Variants in INSR observed in about 807,000 individuals in gnomAD.
INSR encodes insulin receptor, also known as IR.
In INSR, 67 loss-of-function variants were observed where a neutral mutation model predicts 142.6. That is an observed-to-expected ratio of 0.47 (90% CI 0.39 to 0.58). The LOEUF is 0.58. Ranked by LOEUF, INSR falls within the 20% of genes least tolerant of loss-of-function variation. The pLI is 0.00. For missense variants in INSR, 1,248 were observed against 1,833.2 expected (o/e 0.68, Z 5.83); for synonymous variants, 756 against 743.1 (o/e 1.02, Z -0.28).
chr19:7,176,711 G>T (rs1974142533), intron 3 of INSR, among the ~76,000 whole-genome samples: 1 of 152,164 alleles, frequency 6.6e-6, no homozygotes, highest in Non-Finnish European at 1.5e-5. Context: ...AGTTTCCTGA[G>T]GTCTCCCCAG....
chr19:7,162,018 A>G (rs1973761925), intron 9 of INSR, among the ~76,000 whole-genome samples: 1 of 152,016 alleles, frequency 6.6e-6, no homozygotes, highest in South Asian at 2.1e-4. Context: ...CTCCATCTCT[A>G]CAAAAAGAAG....
chr19:7,224,337 GCC>G, intron 2 of INSR, among the ~76,000 whole-genome samples: 1 of 149,926 alleles, frequency 6.7e-6, no homozygotes, highest in Non-Finnish European at 1.5e-5. Context: ...TCAACCTCAA[GCC>G]CTGACACCAA....
chr19:7,190,101 C>G (rs1211724389), intron 2 of INSR, among the ~76,000 whole-genome samples: 1 of 151,826 alleles, frequency 6.6e-6, no homozygotes, highest in African/African-American at 2.4e-5. Flanking sequence ...AATCCCAGCA[C>G]TTTGGGAGGC....
chr19:7,247,982 A>G (rs1976586245), intron 2 of INSR, among the ~76,000 whole-genome samples: 1 of 152,038 alleles, frequency 6.6e-6, no homozygotes, highest in Admixed American at 6.6e-5. Context: ...GAATTTCACT[A>G]AGTTGGTTCT....
chr19:7,288,950 GAAAAAA>G (rs34590794), intron 1 of INSR, among the ~76,000 whole-genome samples: 23 of 88,702 alleles, frequency 2.6e-4, no homozygotes, highest in Admixed American at 8.8e-4. Context: ...GTGAAGAAGT[GAAAAAA>G]AAAAAAAAAA....
rs770959435 is a variant in INSR at position 7,152,871 on chromosome 19, T to A, written c.2086A>T (p.Lys696Ter). The A allele has an allele frequency of 6.2e-7, 1 of 1,613,034 alleles. No homozygotes were observed. The highest frequency in any genetic ancestry group is 1.3e-5 in the African/African-American group (1 of 74,822). ...TCCTCATACTCACTCTGGTTGTGCT[T>A]CTGAGAATCTTCAGACTCGAATGGT... ...SPPFESEDSQ[K>*]HNQSEYEDSA... Residue 696 changes from lysine to a stop codon, truncating the protein, a stop_gained, in exon 10 of 22, where the codon AAG becomes TAG. Coordinates refer to ENST00000302850, the MANE Select transcript of INSR (RefSeq NM_000208.4). LOFTEE classifies it high-confidence loss of function.
Position 7,174,683 on chromosome 19 carries a change from G to A in INSR, c.1023C>T (p.Leu341=). 5 of 1,614,042 alleles carry A rather than the reference G, an allele frequency of 3.1e-6. No individual in the cohort carries two copies. Among genetic ancestry groups the A allele is most frequent in the South Asian group, 1.1e-5 (1 of 91,076 alleles). The part of the protein sequence containing the change: ...CLGPCPKVCH[L]LEGEKTIDSV... ...AGTCGATGGTCTTCTCGCCTTCTAG[G>A]AGGTGGCACACCTTGGGACAGGGAC... is the stretch of plus-strand genomic sequence containing the variant. Residue 341 remains leucine, a synonymous_variant, in exon 4 of 22, where the codon CTC becomes CTT. Transcript: ENST00000302850.
intron 2 of INSR, among the ~76,000 whole-genome samples, chr19:7,212,721 G>A (rs1051925672): frequency 6.6e-6 from 1 of 152,098 alleles, no homozygotes; most frequent in Admixed American, 6.6e-5. Context: ...AAGTAGTTGG[G>A]ACTACAGGCA....
chr19:7,261,500 T>C (rs1977061766), intron 2 of INSR, among the ~76,000 whole-genome samples: 1 of 152,030 alleles, frequency 6.6e-6, no homozygotes, highest in African/African-American at 2.4e-5. Context: ...ATGCCATGTT[T>C]TTTTGTTTTT....
chr19:7,181,347 G>A (rs1010701633), intron 3 of INSR, among the ~76,000 whole-genome samples: 3 of 152,160 alleles, frequency 2.0e-5, no homozygotes, highest in Non-Finnish European at 4.4e-5. Context: ...AATAGATGGA[G>A]GTGTAGACAA....
chr19:7,290,844 G>T (rs1191782604), intron 1 of INSR, among the ~76,000 whole-genome samples: 1 of 151,748 alleles, frequency 6.6e-6, no homozygotes, highest in Admixed American at 6.6e-5. Flanking sequence ...GGCCGAGGCG[G>T]GTGGATCACA....
chr19:7,164,551 C>T (rs12608977), intron 8 of INSR, among the ~76,000 whole-genome samples: 27,490 of 150,368 alleles, frequency 0.18, 2,734 homozygotes, highest in South Asian at 0.21. Context: ...GGCGCGGTGG[C>T]TCATGCCTGT....
At chr19:7,171,173 G>C (rs1371284708) in intron 5 of INSR, among the ~76,000 whole-genome samples, 2 of 152,244 alleles carry the variant, frequency 1.3e-5, no homozygotes, top group South Asian at 4.1e-4. Flanking sequence ...CCAAGACCAA[G>C]AACATGTGGC....
At chr19:7,208,739 C>T (rs968160273) in intron 2 of INSR, among the ~76,000 whole-genome samples, 3 of 152,192 alleles carry the variant, frequency 2.0e-5, no homozygotes, top group African/African-American at 7.2e-5. Flanking sequence ...GGCGCAGTGG[C>T]TCACGCCTGT....
intron 2 of INSR, among the ~76,000 whole-genome samples, chr19:7,217,808 C>T (rs534258503): frequency 6.6e-6 from 1 of 152,250 alleles, no homozygotes; most frequent in Non-Finnish European, 1.5e-5. Flanking sequence ...ATCCACCCGC[C>T]TTGGCCTCCC....
At chr19:7,187,552 T>C (rs1216468960) in intron 2 of INSR, among the ~76,000 whole-genome samples, 2 of 152,182 alleles carry the variant, frequency 1.3e-5, no homozygotes, top group Non-Finnish European at 2.9e-5. Flanking sequence ...TATTTTGTCA[T>C]ATGGATAAAA....
At chr19:7,280,298 G>A (rs1968173159) in intron 1 of INSR, among the ~76,000 whole-genome samples, 2 of 151,858 alleles carry the variant, frequency 1.3e-5, no homozygotes, top group Non-Finnish European at 2.9e-5. Context: ...CAAAACAAAG[G>A]CTGGGTGCGG....
rs936391784 is a variant in INSR, at chr19:7,119,781, C to T, written c.3660-198G>A. 2.0e-5 allele frequency among the ~76,000 whole-genome samples: 3 copies of T among 150,928 alleles called. No homozygotes were observed. The highest frequency in any genetic ancestry group is 4.9e-5 in the African/African-American group (2 of 41,098). On this transcript the variant is annotated intron_variant, in intron 20 of 21. Coordinates refer to ENST00000302850, the MANE Select transcript of INSR (RefSeq NM_000208.4). This position sits in a 1 kb window ranked among gnomAD's most constrained non-coding sequence, Gnocchi z 5.2. ...AAATACACACAAACACGCATGCGCA[C>T]ACATGCACACACAAATATGCAAACA...
At chr19:7,224,706 G>A (rs1975727209) in intron 2 of INSR, among the ~76,000 whole-genome samples, 1 of 152,218 alleles carries the variant, frequency 6.6e-6, no homozygotes, top group South Asian at 2.1e-4. Context: ...ATGCACCGTG[G>A]TTATAAATAC....
Sources: gnomAD v4.1 joint callset for allele counts (sites outside exome capture counted in the v4.1 genomes callset) on GRCh38, gnomAD v4.1.1 for gene constraint, Gnocchi (gnomAD v3.1) non-coding constraint, MANE v1.5 for transcripts, NCBI Gene and HGNC (gene_info 2026-07-23, HGNC 2026-07-21) for gene names.